The following KCNAB1 variants were observed in gnomAD, a reference collection of about 807,000 sequenced individuals.
KCNAB1 encodes the protein voltage-gated potassium channel subunit beta-1.
KCNAB1 carries 35 observed loss-of-function variants against 64.6 expected under a neutral mutation model. The ratio of observed to expected loss-of-function variants is 0.54; its 90% confidence interval spans 0.41 to 0.72. The LOEUF is 0.72. Ranked by LOEUF, KCNAB1 falls within the 30% of genes least tolerant of loss-of-function variation. The pLI, the probability that KCNAB1 is intolerant of heterozygous loss-of-function variation, is 0.00. For synonymous variants in KCNAB1, 177 were observed against 183.8 expected (o/e 0.96, Z 0.30); for missense variants, 401 against 512.9 (o/e 0.78, Z 2.11).
intron 1 of KCNAB1, among the ~76,000 whole-genome samples, chr3:156,396,469 A>G (rs865928361): frequency 6.6e-6 from 1 of 152,220 alleles, no homozygotes; most frequent in African/African-American, 2.4e-5. Context: ...TTCTGCTTAT[A>G]TGTGGCCTCA....
intron 1 of KCNAB1, among the ~76,000 whole-genome samples, chr3:156,264,602 T>A (rs1285748042): frequency 6.6e-6 from 1 of 152,150 alleles, no homozygotes; most frequent in Non-Finnish European, 1.5e-5. Context: ...TACTTCAGAT[T>A]AACATAACTT....
At chr3:156,141,851 G>A (rs1028245396) in intron 1 of KCNAB1, among the ~76,000 whole-genome samples, 3 of 152,154 alleles carry the variant, frequency 2.0e-5, no homozygotes, top group Non-Finnish European at 4.4e-5. Context: ...TTTCTGGAGT[G>A]GCTGAACCAT....
At chr3:156,227,003 C>G (rs1716219761) in intron 1 of KCNAB1, among the ~76,000 whole-genome samples, 1 of 152,120 alleles carries the variant, frequency 6.6e-6, no homozygotes. Flanking sequence ...TGTAAGGATT[C>G]CATAGAAATA....
Position 156,120,735 on chromosome 3 carries a change from G to C in KCNAB1, c.124G>C (p.Ala42Pro), listed in dbSNP as rs1178932639. The C allele has an allele frequency of 1.2e-6, 2 of 1,614,240 alleles. No individual in the cohort carries two copies. The highest frequency in any genetic ancestry group is 2.2e-5 in the South Asian group (2 of 91,090). Residue 42 changes from alanine (A) to proline (P), a missense_variant, in exon 1 of 14, where the codon GCT becomes CCT. Coordinates refer to ENST00000490337, the MANE Select transcript of KCNAB1 (RefSeq NM_172160.3). ...ATCTCCCAAGAAAGCCTCAGAAAAC[G>C]CTAAAGACAGCAGCCTTAGTCCCTC... ...DKSPKKASEN[A>P]KDSSLSPSGE...
At chr3:156,413,609 C>T (rs890655182) in intron 1 of KCNAB1, among the ~76,000 whole-genome samples, 2 of 152,196 alleles carry the variant, frequency 1.3e-5, no homozygotes, top group Admixed American at 6.5e-5. Context: ...GAGGCACTGC[C>T]GCACTATGCT....
chr3:156,534,234 G>C (rs1021712429), intron 13 of KCNAB1, among the ~76,000 whole-genome samples: 4 of 152,170 alleles, frequency 2.6e-5, no homozygotes, highest in African/African-American at 9.7e-5. Context: ...AGCACCAGCA[G>C]TTGTAAGAAA....
chr3:156,434,533 A>C (rs1387044625), intron 2 of KCNAB1, among the ~76,000 whole-genome samples: 1 of 152,202 alleles, frequency 6.6e-6, no homozygotes, highest in African/African-American at 2.4e-5. Flanking sequence ...ATATCAGAAA[A>C]AGATCTCTAA....
chr3:156,188,208 T>TG (rs1418979191), intron 1 of KCNAB1, among the ~76,000 whole-genome samples: 16 of 151,282 alleles, frequency 1.1e-4, no homozygotes, highest in Non-Finnish European at 7.4e-5. Flanking sequence ...TATCTCCCTG[T>TG]GGGGTTTTTT....
At chr3:156,171,081 A>AC (rs1418628287) in intron 1 of KCNAB1, among the ~76,000 whole-genome samples, 1 of 151,928 alleles carries the variant, frequency 6.6e-6, no homozygotes, top group African/African-American at 2.4e-5. Flanking sequence ...ATGTATGTCT[A>AC]CCTTTGTTTG....
At chr3:156,242,272 G>A (rs751014568) in intron 1 of KCNAB1, among the ~76,000 whole-genome samples, 2 of 152,072 alleles carry the variant, frequency 1.3e-5, no homozygotes, top group Non-Finnish European at 2.9e-5. Context: ...TGGTGCTTCT[G>A]TTATTCTTTA....
chr3:156,432,597 C>T (rs369360813), intron 2 of KCNAB1, among the ~76,000 whole-genome samples: 6 of 152,152 alleles, frequency 3.9e-5, no homozygotes, highest in Admixed American at 6.5e-5. Context: ...TTGGAGCTGA[C>T]GGTCTAACCA....
intron 1 of KCNAB1, among the ~76,000 whole-genome samples, chr3:156,372,592 AG>A (rs1726385190): frequency 2.0e-5 from 3 of 152,196 alleles, no homozygotes; most frequent in South Asian, 2.1e-4. Flanking sequence ...GAATTGTACA[AG>A]TGTGGAGTCT....
At chr3:156,310,508 G>T (rs1401682549) in intron 1 of KCNAB1, among the ~76,000 whole-genome samples, 1 of 152,156 alleles carries the variant, frequency 6.6e-6, no homozygotes, top group African/African-American at 2.4e-5. Context: ...TTGATAAGAA[G>T]CTATCAGCTT....
intron 1 of KCNAB1, among the ~76,000 whole-genome samples, chr3:156,355,890 G>A (rs1188264307): frequency 6.6e-6 from 1 of 152,130 alleles, no homozygotes; most frequent in African/African-American, 2.4e-5. Context: ...GCCAAGGCAG[G>A]TGGATCGCTT....
At chr3:156,202,786 T>A (rs1316270983) in intron 1 of KCNAB1, among the ~76,000 whole-genome samples, 1 of 151,622 alleles carries the variant, frequency 6.6e-6, no homozygotes, top group Non-Finnish European at 1.5e-5. Flanking sequence ...AATGTTGAAT[T>A]CTGAAAAAAA....
At chr3:156,295,513 G>A (rs1720717598) in intron 1 of KCNAB1, among the ~76,000 whole-genome samples, 1 of 152,132 alleles carries the variant, frequency 6.6e-6, no homozygotes, top group Non-Finnish European at 1.5e-5. Flanking sequence ...ATGCTTAAAG[G>A]CACTATTATA....
intron 1 of KCNAB1, among the ~76,000 whole-genome samples, chr3:156,179,932 A>G (rs1712695637): frequency 6.6e-6 from 1 of 152,226 alleles, no homozygotes; most frequent in Non-Finnish European, 1.5e-5. Context: ...TCTATGTGGT[A>G]GGCTCTGTAT....
intron 1 of KCNAB1, among the ~76,000 whole-genome samples, chr3:156,243,207 C>T (rs1018234715): frequency 8.1e-5 from 12 of 148,050 alleles, no homozygotes; most frequent in Non-Finnish European, 1.6e-4. Context: ...CGCACCTGGC[C>T]GATGGTGTGC....
At chr3:156,403,484 T>G (rs1480036889) in intron 1 of KCNAB1, among the ~76,000 whole-genome samples, 3 of 152,214 alleles carry the variant, frequency 2.0e-5, no homozygotes, top group Non-Finnish European at 4.4e-5. Context: ...TTATCTTCTT[T>G]CCTGCAGAAG....
Sources: allele counts gnomAD v4.1 joint callset (sites outside exome capture counted in the v4.1 genomes callset), GRCh38; gene constraint gnomAD v4.1.1; transcripts MANE v1.5; gene names NCBI Gene and HGNC (gene_info 2026-07-23, HGNC 2026-07-21).